LNX1: variants seen among roughly 807,000 people sequenced by gnomAD.
LNX1 encodes the protein ligand of numb-protein X 1.
In LNX1, 54 loss-of-function variants were observed where a neutral mutation model predicts 68.4. The observed-to-expected ratio is 0.79, with a 90% confidence interval of 0.63 to 0.99. LNX1 has a LOEUF of 0.99. Among genes scored for constraint, LNX1 ranks in the 50% least tolerant of loss-of-function variants. The pLI is 0.00. For synonymous variants in LNX1, 336 were observed against 350.0 expected (o/e 0.96, Z 0.45); for missense variants, 906 against 926.4 (o/e 0.98, Z 0.29).
chr4:53,579,604 T>A (rs1333994548), intron 1 of LNX1, among the ~76,000 whole-genome samples: 2 of 151,914 alleles, frequency 1.3e-5, no homozygotes, highest in African/African-American at 4.8e-5. Flanking sequence ...ACCAAGAGGG[T>A]CATTCGAGAT....
At chr4:53,512,692 T>C (rs1233425727) in intron 2 of LNX1, among the ~76,000 whole-genome samples, 2 of 152,186 alleles carry the variant, frequency 1.3e-5, no homozygotes, top group African/African-American at 4.8e-5. Flanking sequence ...AGACACTCAG[T>C]CCTAATTTAT....
intron 5 of LNX1, among the ~76,000 whole-genome samples, chr4:53,498,358 G>A (rs1250477263): frequency 2.5e-4 from 38 of 152,076 alleles, no homozygotes; most frequent in Admixed American, 2.4e-3. Context: ...GATTGAAAAA[G>A]CTAGAAGGGA....
chr4:53,649,682 T>A (rs903508095), intron 1 of LNX1, among the ~76,000 whole-genome samples: 3 of 152,194 alleles, frequency 2.0e-5, no homozygotes, highest in African/African-American at 7.2e-5. Flanking sequence ...TTTACCTTGT[T>A]AATCTCTGCC....
chr4:53,487,270 G>C (rs552545083), intron 6 of LNX1, among the ~76,000 whole-genome samples: 3 of 152,214 alleles, frequency 2.0e-5, no homozygotes, highest in Non-Finnish European at 2.9e-5. Context: ...CAGTGAAAAC[G>C]TACAGGGGGA....
At chr4:53,604,431 A>T (rs1477126017) in intron 2 of LNX1, among the ~76,000 whole-genome samples, 1 of 152,236 alleles carries the variant, frequency 6.6e-6, no homozygotes, top group Non-Finnish European at 1.5e-5. Flanking sequence ...CTTAAAAGCC[A>T]GTTGGATAAA....
At chr4:53,536,546 T>C (rs2109640327) in intron 2 of LNX1, among the ~76,000 whole-genome samples, 1 of 152,286 alleles carries the variant, frequency 6.6e-6, no homozygotes, top group South Asian at 2.1e-4. Context: ...AAAAAAATGA[T>C]TTTGGCAGTC....
intron 6 of LNX1, among the ~76,000 whole-genome samples, chr4:53,492,506 TGAGAGAGAGAGAGAGAGA>T (rs58715153): frequency 1.1e-5 from 1 of 88,942 alleles, no homozygotes; most frequent in Admixed American, 1.5e-4. Context: ...CAGAGGGCTC[TGAGAGAGAGAGAGAGAGA>T]GAGAGAGAGA....
At chr4:53,605,769 C>T (rs1417041739) in intron 2 of LNX1, among the ~76,000 whole-genome samples, 1 of 152,140 alleles carries the variant, frequency 6.6e-6, no homozygotes, top group East Asian at 1.9e-4. Context: ...TTTTTAACAG[C>T]TGAATAATAT....
At chr4:53,466,738 T>C (rs1445284470) in intron 9 of LNX1, among the ~76,000 whole-genome samples, 2 of 152,222 alleles carry the variant, frequency 1.3e-5, no homozygotes, top group African/African-American at 4.8e-5. Flanking sequence ...CCTTGCTCAT[T>C]GCTAGCACAG....
chr4:53,501,141 A>G (rs1725443814), intron 4 of LNX1, among the ~76,000 whole-genome samples: 2 of 152,194 alleles, frequency 1.3e-5, no homozygotes, highest in Admixed American at 1.3e-4. Flanking sequence ...AATTTGCTCA[A>G]TATTATGTCC....
intron 2 of LNX1, chr4:53,549,497 G>A (rs1577697713): frequency 6.6e-6 from 1 of 151,098 alleles, no homozygotes; most frequent in African/African-American, 2.4e-5. Flanking sequence ...GCAACTAATT[G>A]CAACGTGTAG....
At chr4:53,554,288 G>C (rs567360636) in intron 2 of LNX1, among the ~76,000 whole-genome samples, 1 of 152,208 alleles carries the variant, frequency 6.6e-6, no homozygotes, top group Non-Finnish European at 1.5e-5. Context: ...CCAGTTCTGG[G>C]TCTGCTCTTC....
At chr4:53,586,673 A>T (rs1192447151) in intron 1 of LNX1, among the ~76,000 whole-genome samples, 1 of 152,226 alleles carries the variant, frequency 6.6e-6, no homozygotes, top group Non-Finnish European at 1.5e-5. Context: ...GAGCAGAGAG[A>T]AGTTCTTTCA....
chr4:53,498,851 G>T lies in LNX1; in HGVS notation c.776-8C>A. ...GGTACAACCTTGGAAAGACTGAAAT[G>T]GACAAAGAGTGTTTATTTAAGACAC... On this transcript the variant is annotated splice_region_variant and splice_polypyrimidine_tract_variant and intron_variant, in intron 4 of 10. Coordinates refer to ENST00000263925, the MANE Select transcript of LNX1 (RefSeq NM_001126328.3). 1.2e-6 allele frequency: 2 copies of T among 1,606,262 alleles called. No homozygotes were observed. Among genetic ancestry groups the T allele is most frequent in the South Asian group, 1.1e-5 (1 of 90,836 alleles).
At chr4:53,651,947 C>G (rs1188726304) in intron 1 of LNX1, among the ~76,000 whole-genome samples, 1 of 151,622 alleles carries the variant, frequency 6.6e-6, no homozygotes, top group Non-Finnish European at 1.5e-5. Context: ...TGCCCTGAGG[C>G]CTTTCTAGTG....
intron 2 of LNX1, chr4:53,558,005 G>A: frequency 1.9e-6 from 3 of 1,611,564 alleles, no homozygotes; most frequent in Non-Finnish European, 1.7e-6. Context: ...GCCACCTTCT[G>A]TCAGCTACAA....
rs1579382801 is a variant in LNX1, at chr4:53,481,718, A to C, written c.1485+2T>G. The C allele has an allele frequency of 1.2e-6, 2 of 1,613,062 alleles. No individual in the cohort carries two copies. The highest frequency in any genetic ancestry group is 1.7e-6 in the Non-Finnish European group (2 of 1,179,434). ...GCAGGCGACCTGCCCTAGAGGCCTC[A>C]CCTTGGGAGTGTTGCTCCTCTCCCC... On this transcript the variant is annotated splice_donor_variant, in intron 7 of 10. Coordinates refer to ENST00000263925, the MANE Select transcript of LNX1 (RefSeq NM_001126328.3). LOFTEE classifies it high-confidence loss of function.
rs1429295348 is a variant in LNX1 at position 53,478,639 on chromosome 4, T to C, written c.1589A>G (p.Glu530Gly). The C allele has an allele frequency of 1.9e-6, 3 of 1,613,930 alleles. No individual in the cohort carries two copies. The highest frequency in any genetic ancestry group is 2.5e-6 in the Non-Finnish European group (3 of 1,179,978). ...GATGACATAGATAGGCAAATCCCAT[T>C]CTCTATGTGATGCTCCCCCTGCGAC... ...MTVAGGASHREWDLPIYVISV... is the reference protein window; with the variant it reads ...MTVAGGASHRGWDLPIYVISV... The change falls in exon 8 of 11, where the codon GAA becomes GGA. Residue 530 changes from glutamate to glycine, a missense_variant. By Grantham distance (98) the Glu-to-Gly change is moderately conservative. Coordinates refer to ENST00000263925, the MANE Select transcript of LNX1 (RefSeq NM_001126328.3).
chr4:53,558,373 AGACCC>A, intron 2 of LNX1: 3 of 587,276 alleles, frequency 5.1e-6, no homozygotes, highest in Non-Finnish European at 4.3e-6. Context: ...TGACACATTC[AGACCC>A]CACGGTGTGA....
Sources: allele counts gnomAD v4.1 joint callset (sites outside exome capture counted in the v4.1 genomes callset), GRCh38; gene constraint gnomAD v4.1.1; transcripts MANE v1.5; gene names NCBI Gene and HGNC (gene_info 2026-07-23, HGNC 2026-07-21).